Variants in IDO2 observed in about 807,000 individuals in gnomAD.
IDO2 encodes indoleamine 2,3-dioxygenase-like 1 protein.
Under a neutral mutation model 45.1 loss-of-function variants are expected in IDO2, and 46 were observed. The observed-to-expected ratio is 1.02, with a 90% CI of 0.80 to 1.30. The LOEUF (loss-of-function observed/expected upper bound fraction) is 1.30. Among genes scored for constraint, IDO2 ranks in the 50% most tolerant of loss-of-function variants. The pLI, the probability that IDO2 is intolerant of heterozygous loss-of-function variation, is 0.00. For synonymous variants in IDO2, 218 were observed against 184.9 expected, an observed-to-expected ratio of 1.18 and a Z score of -1.45; for missense variants, 544 against 491.8, an observed-to-expected ratio of 1.11 and a Z score of -1.00.
At chr8:40,003,004 C>T in intron 8 of IDO2, among the ~76,000 whole-genome samples, 1 of 152,100 alleles carries the variant, frequency 6.6e-6, no homozygotes, top group Non-Finnish European at 1.5e-5. Flanking sequence ...GCTCAATATT[C>T]TTTTGTGACA....
At chr8:39,986,329 C>G (rs890676969) in intron 6 of IDO2, 1 of 152,188 alleles carries the variant, frequency 6.6e-6, no homozygotes, top group Non-Finnish European at 1.5e-5. Flanking sequence ...CCAGTGTTGC[C>G]TCTCCCATCA....
chr8:39,955,868 T>A lies in IDO2; in HGVS notation c.99+6604T>A, dbSNP rs1807884204. On this transcript the variant is annotated intron_variant, in intron 2 of 10. Coordinates refer to ENST00000502986, the Ensembl canonical transcript of IDO2. ...AATGTATAATAATAATGTTCTAACATTAAAACGTAACCATAGCAATGCTCC... is the reference window on the plus strand; with the variant it reads ...AATGTATAATAATAATGTTCTAACAATAAAACGTAACCATAGCAATGCTCC... 3.3e-5 allele frequency among the ~76,000 whole-genome samples: 5 copies of A among 152,292 alleles called. No homozygotes were observed. The South Asian group carries it at 8.3e-4, about 25-fold the overall frequency.
chr8:39,982,193 TATC>T (rs1380795142), intron 4 of IDO2, among the ~76,000 whole-genome samples: 1 of 151,304 alleles, frequency 6.6e-6, no homozygotes, highest in East Asian at 1.9e-4. Flanking sequence ...ATCATCTCTC[TATC>T]ATCTATCTAT....
chr8:39,948,530 A>C (rs1251842020), intron 1 of IDO2, among the ~76,000 whole-genome samples: 1 of 152,208 alleles, frequency 6.6e-6, no homozygotes, highest in Non-Finnish European at 1.5e-5. Flanking sequence ...TTTGTAATGC[A>C]GATCCCTCCA....
intron 2 of IDO2, among the ~76,000 whole-genome samples, chr8:39,963,218 A>G (rs1808025829): frequency 6.6e-6 from 1 of 152,220 alleles, no homozygotes; most frequent in Non-Finnish European, 1.5e-5. Context: ...ATTTATACCC[A>G]GAAAAGTCAC....
At chr8:39,958,642 G>C (rs1001049898) in intron 2 of IDO2, among the ~76,000 whole-genome samples, 1 of 152,126 alleles carries the variant, frequency 6.6e-6, no homozygotes, top group South Asian at 2.1e-4. Context: ...GTAGAGACGG[G>C]GTTTCACCAT....
chr8:40,011,127 T>C (rs1443778636), intron 9 of IDO2, among the ~76,000 whole-genome samples: 2 of 152,138 alleles, frequency 1.3e-5, no homozygotes, highest in African/African-American at 4.8e-5. Flanking sequence ...ACCAGGCTGG[T>C]GTCAAACTCC....
At chr8:39,946,871 G>C (rs1455950805) in intron 1 of IDO2, among the ~76,000 whole-genome samples, 2 of 151,620 alleles carry the variant, frequency 1.3e-5, no homozygotes, top group Non-Finnish European at 2.9e-5. Flanking sequence ...TGGTAGGAGA[G>C]GGTTGAGGCT....
intron 1 of IDO2, among the ~76,000 whole-genome samples, chr8:39,947,265 CT>C (rs1807749590): frequency 6.8e-6 from 1 of 146,010 alleles, no homozygotes; most frequent in South Asian, 2.3e-4. Flanking sequence ...TCTTCAAAGA[CT>C]TTCCTCCCCG....
At chr8:39,967,833 CT>C (rs2129593997) in intron 3 of IDO2, among the ~76,000 whole-genome samples, 1 of 152,260 alleles carries the variant, frequency 6.6e-6, no homozygotes, top group East Asian at 1.9e-4. Context: ...TTTTAAAAAT[CT>C]GGCCATATCA....
At chr8:39,987,794 C>T (rs546044022) in intron 6 of IDO2, 77 bp from the exon 7 acceptor site, 42 of 816,644 alleles carry the variant, frequency 5.1e-5, no homozygotes, top group Middle Eastern at 6.8e-4. Flanking sequence ...TTATCTAACT[C>T]GGCAGGGAAC....
intron 1 of IDO2, among the ~76,000 whole-genome samples, chr8:39,947,427 C>A (rs1415791426): frequency 2.0e-5 from 3 of 152,156 alleles, no homozygotes; most frequent in Non-Finnish European, 4.4e-5. Flanking sequence ...TTTTCCCTGG[C>A]ATGTTTATAC....
At chr8:39,946,350 C>T (rs1807729745) in intron 1 of IDO2, among the ~76,000 whole-genome samples, 1 of 152,234 alleles carries the variant, frequency 6.6e-6, no homozygotes, top group South Asian at 2.1e-4. Context: ...TGGCTCATGC[C>T]TGTAATCCCA....
exon 4 of IDO2, chr8:39,979,186 G>A (rs1178463400): frequency 1.3e-6 from 2 of 1,579,890 alleles, no homozygotes; most frequent in African/African-American, 1.3e-5. Flanking sequence ...AGCCTGCAGA[G>A]GTGAGGGCCA....
intron 8 of IDO2, chr8:39,995,386 T>G (rs1411394755): frequency 6.6e-6 from 1 of 152,080 alleles, no homozygotes; most frequent in Non-Finnish European, 1.5e-5. Flanking sequence ...GTTCAAGCTA[T>G]TCTCCTGCCT....
intron 3 of IDO2, among the ~76,000 whole-genome samples, chr8:39,972,815 A>G (rs1427175008): frequency 1.3e-5 from 2 of 152,142 alleles, no homozygotes; most frequent in Non-Finnish European, 2.9e-5. Flanking sequence ...GCTCTCCACC[A>G]GCAAAGAGAT....
At chr8:39,951,485 G>T (rs1807814272) in intron 2 of IDO2, among the ~76,000 whole-genome samples, 1 of 152,106 alleles carries the variant, frequency 6.6e-6, no homozygotes, top group Non-Finnish European at 1.5e-5. Flanking sequence ...ATTCGGATGA[G>T]TCGGTCACGC....
At chr8:40,010,999 C>A (rs771391021) in intron 9 of IDO2, among the ~76,000 whole-genome samples, 3 of 152,222 alleles carry the variant, frequency 2.0e-5, no homozygotes, top group Non-Finnish European at 4.4e-5. Context: ...GCAACCTCTG[C>A]CTCTGGGTTC....
chr8:39,953,686 C>T (rs760662344), intron 2 of IDO2, among the ~76,000 whole-genome samples: 2 of 152,160 alleles, frequency 1.3e-5, no homozygotes, highest in African/African-American at 2.4e-5. Context: ...CCTCAGCCTC[C>T]TGAGTAGCTG....
Sources: gnomAD v4.1 joint callset for allele counts (sites outside exome capture counted in the v4.1 genomes callset) on GRCh38, gnomAD v4.1.1 for gene constraint, MANE v1.5 for transcripts, NCBI Gene and HGNC (gene_info 2026-07-23, HGNC 2026-07-21) for gene names.